The following JMJD1C variants were observed in gnomAD, a reference collection of about 807,000 sequenced individuals.
JMJD1C encodes jumonji domain-containing protein 1C.
In JMJD1C, 31 loss-of-function variants were observed where a neutral mutation model predicts 245.3. The ratio of observed to expected loss-of-function variants is 0.13; its 90% confidence interval spans 0.09 to 0.17. The LOEUF (loss-of-function observed/expected upper bound fraction) is 0.17, where lower values mean the gene tolerates loss of function less well. JMJD1C is among the 10% of genes least tolerant of loss of function. The pLI is 1.00. For missense variants in JMJD1C, 2,691 were observed against 3,000.2 expected, an observed-to-expected ratio of 0.90 and a Z score of 2.41; for synonymous variants, 1,057 against 1,017.4, an observed-to-expected ratio of 1.04 and a Z score of -0.74.
intron 1 of JMJD1C, among the ~76,000 whole-genome samples, chr10:63,436,077 A>T (rs1951044158): frequency 6.6e-6 from 1 of 152,236 alleles, no homozygotes; most frequent in Non-Finnish European, 1.5e-5. Context: ...AATATCTATG[A>T]AAGAGAAAAA....
chr10:63,501,159 G>A (rs1485692857), intron 1 of JMJD1C, among the ~76,000 whole-genome samples: 1 of 152,080 alleles, frequency 6.6e-6, no homozygotes, highest in Non-Finnish European at 1.5e-5. Context: ...GCTGAATCAG[G>A]ACACATGAAT....
At chr10:63,168,184 T>C in intron 25 of JMJD1C, 50 bp from the exon 26 acceptor site, 1 of 1,316,190 alleles carries the variant, frequency 7.6e-7, no homozygotes, top group African/African-American at 1.5e-5. Context: ...CAGAAATTAA[T>C]TAAAAAATGA....
chr10:63,191,711 G>A (rs1010541968), intron 16 of JMJD1C, among the ~76,000 whole-genome samples: 2 of 151,868 alleles, frequency 1.3e-5, no homozygotes, highest in South Asian at 2.1e-4. Context: ...GTGGCCGGGC[G>A]CGGTGGCTCA....
rs1412696693 is a variant in JMJD1C at position 63,168,681 on chromosome 10, T to G, written c.7402-115A>C. ...CAATTCTGCTGGAGAATTTACTTTC[T>G]CCAAAACATCAAATGGATTTTAAAG... On this transcript the variant is annotated intron_variant, in intron 24 of 25. Transcript: ENST00000399262. The G allele has an allele frequency of 3.4e-6, 3 of 882,096 alleles. No individual in the cohort carries two copies. In the East Asian group the frequency reaches 8.9e-5, roughly 26 times the overall value. The allele number at this position is 882,096 out of a possible 1,614,324, so 54.6% of individuals were successfully genotyped here.
chr10:63,278,730 T>C (rs1857074678), intron 2 of JMJD1C, among the ~76,000 whole-genome samples: 1 of 151,088 alleles, frequency 6.6e-6, no homozygotes, highest in Non-Finnish European at 1.5e-5. Context: ...TCCCAGCTAC[T>C]TGGGAAGCTG....
chr10:63,424,128 A>C (rs893729017), intron 1 of JMJD1C, among the ~76,000 whole-genome samples: 1 of 152,104 alleles, frequency 6.6e-6, no homozygotes, highest in African/African-American at 2.4e-5. Flanking sequence ...ATCGTGGTTC[A>C]CTGTAACCTC....
chr10:63,433,141 G>T (rs1300457496), intron 1 of JMJD1C, among the ~76,000 whole-genome samples: 1 of 151,562 alleles, frequency 6.6e-6, no homozygotes, highest in African/African-American at 2.4e-5. Context: ...GCCCAGGCTG[G>T]AGTGCAATGC....
chr10:63,409,073 T>A (rs1277766429), intron 1 of JMJD1C, among the ~76,000 whole-genome samples: 1 of 152,222 alleles, frequency 6.6e-6, no homozygotes, highest in Admixed American at 6.5e-5. Flanking sequence ...AAAAATTGTG[T>A]TGACATTTTA....
intron 24 of JMJD1C, among the ~76,000 whole-genome samples, chr10:63,171,944 T>C (rs1007345459): frequency 2.0e-5 from 3 of 152,216 alleles, no homozygotes; most frequent in African/African-American, 7.2e-5. Context: ...CCTTGAATTT[T>C]CTCTTAAAAC....
intron 1 of JMJD1C, chr10:63,427,866 G>A: frequency 2.3e-6 from 2 of 852,134 alleles, no homozygotes; most frequent in South Asian, 2.7e-5. Flanking sequence ...AGCAGGCAAA[G>A]GAGATGGCAC....
Position 63,357,826 on chromosome 10 carries a change from G to C in JMJD1C, c.333+22492C>G, listed in dbSNP as rs74848216. On this transcript the variant is annotated intron_variant, in intron 2 of 25. Coordinates refer to ENST00000399262, the MANE Select transcript of JMJD1C (RefSeq NM_032776.3). ...AAATGTCAAAAGACACAGACAGACA[G>C]ACACACACACACACACACACACACA... Among the ~76,000 whole-genome samples, 304 of 140,524 alleles carry C rather than the reference G, an allele frequency of 2.2e-3. 1 individual carries two copies. Among genetic ancestry groups the C allele is most frequent in the African/African-American group, 6.2e-3 (230 of 36,820 alleles). The allele number at this position is 140,524 out of a possible 152,430, so 92.2% of individuals were successfully genotyped here.
intron 2 of JMJD1C, among the ~76,000 whole-genome samples, chr10:63,309,754 T>C (rs1938886315): frequency 6.6e-6 from 1 of 151,740 alleles, no homozygotes; most frequent in South Asian, 2.1e-4. Context: ...CAGTCTCTAC[T>C]AAAAATTCAA....
chr10:63,188,401 A>G (rs796718644), intron 18 of JMJD1C, among the ~76,000 whole-genome samples: 4 of 152,210 alleles, frequency 2.6e-5, no homozygotes, highest in Non-Finnish European at 5.9e-5. Flanking sequence ...AGTAACCTAA[A>G]AAGATCAAGC....
intron 22 of JMJD1C, among the ~76,000 whole-genome samples, chr10:63,178,309 A>G (rs556546181): frequency 5.3e-5 from 8 of 152,312 alleles, no homozygotes; most frequent in East Asian, 1.9e-4. Context: ...ACAAGAATAG[A>G]TAAGTGGATA....
chr10:63,356,380 T>C (rs184987465), intron 2 of JMJD1C, among the ~76,000 whole-genome samples: 17 of 152,322 alleles, frequency 1.1e-4, no homozygotes, highest in African/African-American at 3.8e-4. Context: ...AAGGACCTCC[T>C]TCCTTCACTC....
At chr10:63,398,659 T>TGAGACAGA (rs1948663313) in intron 1 of JMJD1C, among the ~76,000 whole-genome samples, 1 of 150,568 alleles carries the variant, frequency 6.6e-6, no homozygotes. Context: ...TTTTTTTTTT[T>TGAGACAGA]TTGAGACAGA....
At chr10:63,388,212 CAG>C (rs1466624081) in intron 1 of JMJD1C, among the ~76,000 whole-genome samples, 1 of 151,974 alleles carries the variant, frequency 6.6e-6, no homozygotes, top group South Asian at 2.1e-4. Context: ...AAGTCAAAGA[CAG>C]AGAATTCTTT....
chr10:63,352,464 C>T (rs992418659), intron 2 of JMJD1C, among the ~76,000 whole-genome samples: 1 of 151,616 alleles, frequency 6.6e-6, no homozygotes, highest in Non-Finnish European at 1.5e-5. Context: ...ATGGTGAAAC[C>T]CCATCTCTAC....
intron 1 of JMJD1C, among the ~76,000 whole-genome samples, chr10:63,409,482 C>T (rs1306261169): frequency 1.3e-5 from 2 of 152,042 alleles, no homozygotes; most frequent in East Asian, 1.9e-4. Flanking sequence ...GGTTAAATTC[C>T]TGTGAGATTT....
Sources: gnomAD v4.1 joint callset for allele counts (sites outside exome capture counted in the v4.1 genomes callset) on GRCh38, gnomAD v4.1.1 for gene constraint, MANE v1.5 for transcripts, NCBI Gene and HGNC (gene_info 2026-07-23, HGNC 2026-07-21) for gene names.